Variants in ROBO2 observed in about 807,000 individuals in gnomAD.
ROBO2 encodes roundabout homolog 2.
In ROBO2, 53 loss-of-function variants were observed where a neutral mutation model predicts 160.8. The ratio of observed to expected loss-of-function variants is 0.33; its 90% confidence interval spans 0.26 to 0.41. ROBO2 has a LOEUF of 0.41. ROBO2 is among the 10% of genes least tolerant of loss of function. ROBO2 has a pLI of 1.00. For missense variants in ROBO2, 1,577 were observed against 1,722.4 expected, an observed-to-expected ratio of 0.92 and a Z score of 1.49; for synonymous variants, 664 against 611.7, an observed-to-expected ratio of 1.09 and a Z score of -1.26.
At position 77,435,741 on chromosome 3, in the gene ROBO2, C is replaced by G. The variant is rs1298165144; in HGVS notation, c.389-41673C>G. Among the ~76,000 whole-genome samples the G allele has an allele frequency of 3.3e-5, 5 of 151,670 alleles. No individual in the cohort carries two copies. The East Asian group carries it at 9.8e-4, about 30-fold the overall frequency. The stretch of plus-strand genomic sequence containing the variant: ...ATCAATGTGTATGTGCAGCATAGAC[C>G]AGTTAAAAATGAAACAGGGTGGACA... On this transcript the variant is annotated intron_variant, in intron 2 of 25. Transcript: ENST00000461745.
chr3:77,094,870 C>T (rs895019146), intron 1 of ROBO2, among the ~76,000 whole-genome samples: 1 of 151,962 alleles, frequency 6.6e-6, no homozygotes, highest in Non-Finnish European at 1.5e-5. Flanking sequence ...AATCCTTTGC[C>T]TATTTTAAAA....
chr3:77,306,414 A>C (rs2063096163), intron 2 of ROBO2, among the ~76,000 whole-genome samples: 1 of 152,186 alleles, frequency 6.6e-6, no homozygotes, highest in South Asian at 2.1e-4. Flanking sequence ...CAAATGTATA[A>C]ACTCAAAGAT....
In ROBO2 at chr3:77,523,629, C is replaced by A. The variant is rs537421884; in HGVS notation, c.934+727C>A. ...TAAATTAACTGTCTTTTCAGTGGGA[C>A]TTGTTGATCACGTGAGGGAAATTAC... On this transcript the variant is annotated intron_variant, in intron 6 of 25. Coordinates refer to ENST00000461745, the Ensembl canonical transcript of ROBO2. Among the ~76,000 whole-genome samples, 3 of 151,400 alleles carry A rather than the reference C, an allele frequency of 2.0e-5. No individual in the cohort carries two copies. In the South Asian group the frequency reaches 6.2e-4, roughly 31 times the overall value.
chr3:77,043,135 C>CT (rs2064264359), intron 1 of ROBO2, among the ~76,000 whole-genome samples: 1 of 152,152 alleles, frequency 6.6e-6, no homozygotes, highest in African/African-American at 2.4e-5. Flanking sequence ...TGTTTCAGCA[C>CT]TTTGAGACTC....
rs376309956 is a variant in ROBO2 at position 77,088,823 on chromosome 3, T to A, written c.62-9191T>A. Among the ~76,000 whole-genome samples the A allele has an allele frequency of 3.9e-5, 6 of 152,354 alleles. No individual in the cohort carries two copies. In the East Asian group the frequency reaches 9.6e-4, roughly 24 times the overall value. ...GACCTACAAAGGCCAACTTTTGTAA[T>A]CTATACATTTATCAAAAGTATGAAC... On this transcript the variant is annotated intron_variant, in intron 1 of 25. Transcript: ENST00000461745.
At chr3:76,369,600 G>A (rs893207245) in intron 2 of ROBO2, among the ~76,000 whole-genome samples, 2 of 151,802 alleles carry the variant, frequency 1.3e-5, no homozygotes, top group African/African-American at 2.4e-5. Flanking sequence ...AACCTGGATC[G>A]TTCTCTCACA....
chr3:77,592,889 TATA>T (rs1476185250), intron 17 of ROBO2, among the ~76,000 whole-genome samples: 2 of 152,162 alleles, frequency 1.3e-5, no homozygotes, highest in African/African-American at 2.4e-5. Flanking sequence ...AGTGTTCTAT[TATA>T]ATACTTTAAA....
intron 2 of ROBO2, among the ~76,000 whole-genome samples, chr3:77,378,512 G>A (rs1024640070): frequency 1.3e-5 from 2 of 152,108 alleles, no homozygotes; most frequent in African/African-American, 2.4e-5. Context: ...AAATTTATGC[G>A]ACTTCTCAGA....
At chr3:76,762,838 G>T (rs113473975) in intron 2 of ROBO2, among the ~76,000 whole-genome samples, 104 of 151,626 alleles carry the variant, frequency 6.9e-4, no homozygotes, top group African/African-American at 2.4e-3. Flanking sequence ...TGGTTCCCAG[G>T]GTTACCTATA....
At chr3:76,767,966 A>G (rs1472282050) in intron 2 of ROBO2, among the ~76,000 whole-genome samples, 1 of 151,546 alleles carries the variant, frequency 6.6e-6, no homozygotes, top group Non-Finnish European at 1.5e-5. Flanking sequence ...ATTTTTTGGT[A>G]GTAAGTAAAG....
At chr3:76,157,600 G>C (rs575390767) in intron 2 of ROBO2, among the ~76,000 whole-genome samples, 28 of 152,086 alleles carry the variant, frequency 1.8e-4, no homozygotes, top group African/African-American at 6.7e-4. Context: ...ATTTATGGGG[G>C]GGCTGCAAAT....
At chr3:76,919,144 C>G (rs978372145) in intron 2 of ROBO2, among the ~76,000 whole-genome samples, 1 of 151,940 alleles carries the variant, frequency 6.6e-6, no homozygotes, top group African/African-American at 2.4e-5. Flanking sequence ...ACACATTTAC[C>G]TGTGTAACAA....
At chr3:76,538,439 T>G (rs576847945) in intron 2 of ROBO2, among the ~76,000 whole-genome samples, 1 of 152,292 alleles carries the variant, frequency 6.6e-6, no homozygotes, top group African/African-American at 2.4e-5. Context: ...TGCCACTGAG[T>G]TAGGATATTA....
At chr3:76,395,570 G>T (rs1481599013) in intron 2 of ROBO2, among the ~76,000 whole-genome samples, 1 of 150,558 alleles carries the variant, frequency 6.6e-6, no homozygotes, top group East Asian at 2.0e-4. Flanking sequence ...TTGATAGACC[G>T]CTAGCAAGAC....
At chr3:76,369,014 C>T (rs1055403293) in intron 2 of ROBO2, among the ~76,000 whole-genome samples, 2 of 152,058 alleles carry the variant, frequency 1.3e-5, no homozygotes, top group African/African-American at 2.4e-5. Flanking sequence ...CCCTTGACTC[C>T]GTAGGACTCT....
intron 2 of ROBO2, among the ~76,000 whole-genome samples, chr3:76,699,799 C>G (rs1425734709): frequency 6.6e-6 from 1 of 152,280 alleles, no homozygotes; most frequent in Middle Eastern, 3.4e-3. Context: ...GCAGCTAACA[C>G]TGACCTTCCT....
At chr3:76,072,431 AT>A (rs1263507273) in intron 2 of ROBO2, among the ~76,000 whole-genome samples, 1 of 152,114 alleles carries the variant, frequency 6.6e-6, no homozygotes, top group East Asian at 1.9e-4. Flanking sequence ...TTTACTTCAT[AT>A]TATGTTGAAT....
chr3:76,168,841 C>G (rs2072930117), intron 2 of ROBO2, among the ~76,000 whole-genome samples: 1 of 150,000 alleles, frequency 6.7e-6, no homozygotes, highest in African/African-American at 2.5e-5. Context: ...AATAACCTGC[C>G]TTAATGGAAA....
At chr3:76,066,212 G>C (rs771520043) in intron 2 of ROBO2, among the ~76,000 whole-genome samples, 11 of 152,010 alleles carry the variant, frequency 7.2e-5, no homozygotes, top group Non-Finnish European at 1.2e-4. Context: ...ACAATAAATA[G>C]CATGACATGC....
Sources: allele counts gnomAD v4.1 joint callset (sites outside exome capture counted in the v4.1 genomes callset), GRCh38; gene constraint gnomAD v4.1.1; transcripts MANE v1.5; gene names NCBI Gene and HGNC (gene_info 2026-07-23, HGNC 2026-07-21).